The following GMDS variants were observed in gnomAD, a reference collection of about 807,000 sequenced individuals.
GMDS encodes the protein GDP-mannose 4,6-dehydratase, also known as GDP-mannose 4,6 dehydratase.
GMDS carries 20 observed loss-of-function variants against 49.9 expected under a neutral mutation model. The observed-to-expected ratio is 0.40, with a 90% confidence interval of 0.28 to 0.58. GMDS has a LOEUF of 0.58. GMDS is among the 20% of genes least tolerant of loss of function. GMDS has a pLI of 0.42. For synonymous variants in GMDS, 177 were observed against 178.6 expected (o/e 0.99, Z 0.07); for missense variants, 362 against 481.4 (o/e 0.75, Z 2.32).
At chr6:2,166,164 T>C (rs1777660335) in intron 1 of GMDS, among the ~76,000 whole-genome samples, 1 of 152,182 alleles carries the variant, frequency 6.6e-6, no homozygotes, top group South Asian at 2.1e-4. Context: ...TAGCCAGAAC[T>C]GAAGACGGTC....
chr6:1,978,018 G>T (rs958126954), intron 4 of GMDS, among the ~76,000 whole-genome samples: 2 of 152,212 alleles, frequency 1.3e-5, no homozygotes, highest in African/African-American at 4.8e-5. Context: ...CACAAGATAA[G>T]ACCTACTGTC....
intron 1 of GMDS, among the ~76,000 whole-genome samples, chr6:2,239,746 C>T (rs373559173): frequency 4.0e-4 from 61 of 151,350 alleles, no homozygotes; most frequent in African/African-American, 1.4e-3. Context: ...AGTGCAGTGG[C>T]ACGATCTCGG....
At chr6:1,892,624 C>T (rs140331559) in intron 7 of GMDS, among the ~76,000 whole-genome samples, 2,652 of 152,264 alleles carry the variant, frequency 0.017, 79 homozygotes, top group African/African-American at 0.06. Flanking sequence ...TCCCAAAGTG[C>T]TGAGATTACA....
intron 9 of GMDS, among the ~76,000 whole-genome samples, chr6:1,663,924 T>C (rs1764163328): frequency 1.3e-5 from 2 of 152,312 alleles, no homozygotes; most frequent in Middle Eastern, 3.4e-3. Flanking sequence ...AATTTATTTG[T>C]TGTAATTTGT....
chr6:1,693,195 A>C (rs1471866268), intron 9 of GMDS, among the ~76,000 whole-genome samples: 1 of 152,176 alleles, frequency 6.6e-6, no homozygotes, highest in African/African-American at 2.4e-5. Flanking sequence ...CCACCTTCCC[A>C]GCCCTGTGTG....
chr6:1,783,869 C>T (rs1202211638), intron 7 of GMDS, among the ~76,000 whole-genome samples: 3 of 152,042 alleles, frequency 2.0e-5, no homozygotes, highest in Admixed American at 6.5e-5. Flanking sequence ...AACAACATTG[C>T]GATGTGAAGG....
intron 1 of GMDS, among the ~76,000 whole-genome samples, chr6:2,212,707 T>TAAAAAAAAAAAA (rs35503764): frequency 1.8e-5 from 2 of 113,582 alleles, no homozygotes; most frequent in African/African-American, 3.1e-5. Context: ...GATTAACTTG[T>TAAAAAAAAAAAA]AAAAAAAAAA....
chr6:2,142,766 G>C (rs1776366306), intron 1 of GMDS, among the ~76,000 whole-genome samples: 1 of 152,140 alleles, frequency 6.6e-6, no homozygotes. Context: ...AGGCAAGGTG[G>C]CCGGGCAAGT....
chr6:1,951,922 C>T (rs1261073707), intron 6 of GMDS: 2 of 985,154 alleles, frequency 2.0e-6, no homozygotes, highest in Admixed American at 1.2e-4. Context: ...TGTCCACTTG[C>T]TTCACTGCCA....
At chr6:1,842,787 A>T (rs771250000) in intron 7 of GMDS, among the ~76,000 whole-genome samples, 1 of 152,198 alleles carries the variant, frequency 6.6e-6, no homozygotes, top group Admixed American at 6.5e-5. Context: ...AAAGGTTGCA[A>T]TGAGGTACAG....
intron 7 of GMDS, among the ~76,000 whole-genome samples, chr6:1,781,728 C>T (rs1213701464): frequency 6.6e-6 from 1 of 152,176 alleles, no homozygotes; most frequent in African/African-American, 2.4e-5. Flanking sequence ...AACTTCCTTT[C>T]CTTTCAACTT....
intron 6 of GMDS, among the ~76,000 whole-genome samples, chr6:1,945,935 T>C (rs1763057219): frequency 6.6e-6 from 1 of 152,226 alleles, no homozygotes. Flanking sequence ...ATAGTGTCTA[T>C]AAACTAAACA....
chr6:1,814,670 TTGAC>T (rs1770581798), intron 7 of GMDS, among the ~76,000 whole-genome samples: 1 of 152,324 alleles, frequency 6.6e-6, no homozygotes, highest in South Asian at 2.1e-4. Flanking sequence ...ATATATATAT[TTGAC>T]TGATAACTTA....
chr6:2,024,324 T>A (rs576192830), intron 4 of GMDS, among the ~76,000 whole-genome samples: 1 of 152,166 alleles, frequency 6.6e-6, no homozygotes, highest in East Asian at 1.9e-4. Flanking sequence ...AGAAGGAAGA[T>A]GAACTCACAA....
chr6:2,018,006 A>G (rs1185428833), intron 4 of GMDS, among the ~76,000 whole-genome samples: 1 of 152,180 alleles, frequency 6.6e-6, no homozygotes, highest in Non-Finnish European at 1.5e-5. Flanking sequence ...TAAATTTAAA[A>G]TGTTCAACTT....
chr6:1,624,138 C>A lies in GMDS; in HGVS notation c.*31G>T. 6.3e-7 allele frequency: 1 copy of A among 1,595,564 alleles called. No homozygotes were observed. The highest frequency in any genetic ancestry group is 8.5e-7 in the Non-Finnish European group (1 of 1,172,196). On this transcript the variant is annotated 3_prime_UTR_variant, in exon 11 of 11. Transcript: ENST00000380815. The stretch of plus-strand genomic sequence containing the variant: ...ACCGGAGACTCTGCGGGGATTGTAG[C>A]CGGAGGGCGGGCCGGGCTCCGAGGC...
At chr6:1,826,261 A>G (rs536134155) in intron 7 of GMDS, among the ~76,000 whole-genome samples, 3 of 152,280 alleles carry the variant, frequency 2.0e-5, no homozygotes, top group Admixed American at 1.3e-4. Context: ...TGATTAAACA[A>G]TTTTCAAGTC....
chr6:1,779,514 G>A (rs2113605131), intron 7 of GMDS, among the ~76,000 whole-genome samples: 1 of 152,264 alleles, frequency 6.6e-6, no homozygotes, highest in South Asian at 2.1e-4. Context: ...TTTTGATAGA[G>A]TCTGCGATTT....
intron 9 of GMDS, among the ~76,000 whole-genome samples, chr6:1,713,558 T>A (rs1766056784): frequency 6.6e-6 from 1 of 152,160 alleles, no homozygotes; most frequent in Admixed American, 6.5e-5. Context: ...TGCATGAAGA[T>A]AATATTTCGT....
Sources: allele counts gnomAD v4.1 joint callset (sites outside exome capture counted in the v4.1 genomes callset), GRCh38; gene constraint gnomAD v4.1.1; transcripts MANE v1.5; gene names NCBI Gene and HGNC (gene_info 2026-07-23, HGNC 2026-07-21).